The following ATP11C variants were observed in gnomAD, a reference collection of about 807,000 sequenced individuals.
ATP11C encodes the protein ATPase phospholipid transporting 11C (ATP11C blood group).
Under a neutral mutation model 97.4 loss-of-function variants are expected in ATP11C, and 36 were observed. The ratio of observed to expected loss-of-function variants is 0.37; its 90% confidence interval spans 0.28 to 0.49. The LOEUF is 0.49. Among genes scored for constraint, ATP11C ranks in the 20% least tolerant of loss-of-function variants. ATP11C has a pLI of 0.98. For missense variants in ATP11C, 730 were observed against 824.6 expected, an observed-to-expected ratio of 0.89 and a Z score of 1.40; for synonymous variants, 275 against 290.9, an observed-to-expected ratio of 0.95 and a Z score of 0.56.
intron 1 of ATP11C, among the ~76,000 whole-genome samples, chrX:139,858,055 G>C (rs1362742829): frequency 8.9e-6 from 1 of 112,679 alleles, no homozygotes; most frequent in African/African-American, 3.2e-5. Context: ...GCTCCCTCCT[G>C]CTCTTGCCCT....
chrX:139,775,409 G>C (rs899712128), intron 18 of ATP11C, among the ~76,000 whole-genome samples: 4 of 112,155 alleles, frequency 3.6e-5, no homozygotes, highest in African/African-American at 1.3e-4. Context: ...ACAGGAACAT[G>C]GGTTTTCAAG....
At chrX:139,901,972 T>A (rs908366637) in intron 1 of ATP11C, among the ~76,000 whole-genome samples, 2 of 110,316 alleles carry the variant, frequency 1.8e-5, no homozygotes, top group Non-Finnish European at 1.9e-5. Context: ...GATGCCAGTA[T>A]GAAAGAAATT....
chrX:139,896,520 T>C (rs1466661883), intron 1 of ATP11C, among the ~76,000 whole-genome samples: 1 of 105,313 alleles, frequency 9.5e-6, no homozygotes, highest in African/African-American at 3.5e-5. Context: ...GAAATCTGAA[T>C]GAAGTATGAA....
At chrX:139,818,925 G>C (rs753512855) in intron 3 of ATP11C, among the ~76,000 whole-genome samples, 1 of 112,021 alleles carries the variant, frequency 8.9e-6, no homozygotes, top group African/African-American at 3.2e-5. Flanking sequence ...ATGAATGAGA[G>C]AGAGCAAAAA....
chrX:139,905,686 G>GT (rs200403283), intron 1 of ATP11C, among the ~76,000 whole-genome samples: 177 of 107,781 alleles, frequency 1.6e-3, no homozygotes, highest in African/African-American at 5.3e-3. Context: ...CACAGGAAAA[G>GT]TTTTTTTTTT....
Position 139,932,136 on chromosome X carries a change from C to A in ATP11C, c.-94G>T. On this transcript the variant is annotated 5_prime_UTR_variant, in exon 1 of 30. Transcript: ENST00000682941. Reference sequence around the variant, plus strand: ...CACACTGCGGCGTGGGCCGGCGGCGCCAAGCGGAGCAGCGAGGCGGGCGGC... The same window carrying A: ...CACACTGCGGCGTGGGCCGGCGGCGACAAGCGGAGCAGCGAGGCGGGCGGC... 1.1e-6 allele frequency: 1 copy of A among 898,594 alleles called. No individual in the cohort carries two copies. The highest frequency in any genetic ancestry group is 1.4e-6 in the Non-Finnish European group (1 of 702,351). 74.1% of individuals were successfully genotyped at this position (898,594 alleles called of 1,213,427 possible).
chrX:139,813,236 A>C (rs1044568316), intron 5 of ATP11C, among the ~76,000 whole-genome samples: 3 of 112,237 alleles, frequency 2.7e-5, no homozygotes, highest in Non-Finnish European at 5.6e-5. Flanking sequence ...AGTACTACAC[A>C]CCTGTTAAAA....
intron 13 of ATP11C, among the ~76,000 whole-genome samples, chrX:139,788,982 C>T (rs1460876311): frequency 9.0e-6 from 1 of 111,322 alleles, no homozygotes; most frequent in Admixed American, 9.5e-5. Flanking sequence ...TGGTGGATTA[C>T]CTGAGGTCAG....
chrX:139,777,879 T>TA (rs1485268724), intron 18 of ATP11C, among the ~76,000 whole-genome samples: 1 of 110,154 alleles, frequency 9.1e-6, no homozygotes, highest in African/African-American at 3.3e-5. Context: ...TTTTTTTTTT[T>TA]AAGAGAGAAA....
intron 23 of ATP11C, among the ~76,000 whole-genome samples, chrX:139,754,151 C>T (rs933874433): frequency 2.3e-4 from 26 of 111,421 alleles, no homozygotes; most frequent in African/African-American, 7.2e-4. Flanking sequence ...GATGATACTA[C>T]AGATACAACA....
At chrX:139,768,748 T>G (rs2082187180) in intron 19 of ATP11C, among the ~76,000 whole-genome samples, 1 of 110,025 alleles carries the variant, frequency 9.1e-6, no homozygotes, top group Non-Finnish European at 1.9e-5. Flanking sequence ...TTTGTGGATG[T>G]GATGAAAGTC....
intron 2 of ATP11C, among the ~76,000 whole-genome samples, chrX:139,821,057 T>C (rs944638791): frequency 4.5e-5 from 5 of 110,884 alleles, no homozygotes; most frequent in East Asian, 2.9e-4. Context: ...GAGCACGACA[T>C]ACTATATGGG....
At chrX:139,845,053 C>A (rs555181390) in intron 1 of ATP11C, among the ~76,000 whole-genome samples, 3 of 112,030 alleles carry the variant, frequency 2.7e-5, no homozygotes, top group Middle Eastern at 4.6e-3. Flanking sequence ...GGTGGACACA[C>A]TTGTTTGCCT....
At chrX:139,882,837 C>T (rs959574783) in intron 1 of ATP11C, among the ~76,000 whole-genome samples, 4 of 111,345 alleles carry the variant, frequency 3.6e-5, no homozygotes, top group African/African-American at 1.3e-4. Flanking sequence ...TAAATAAATA[C>T]CCAGAGGTAT....
At chrX:139,910,926 A>T (rs5955010) in intron 1 of ATP11C, among the ~76,000 whole-genome samples, 1 of 111,880 alleles carries the variant, frequency 8.9e-6, no homozygotes, top group African/African-American at 3.3e-5. Context: ...AAAGAGTAAG[A>T]GACCAGAACA....
At chrX:139,866,118 G>C (rs1403766894) in intron 1 of ATP11C, among the ~76,000 whole-genome samples, 1 of 110,221 alleles carries the variant, frequency 9.1e-6, no homozygotes, top group African/African-American at 3.3e-5. Context: ...GGCTGAGGCG[G>C]GCAGATCACG....
At chrX:139,846,097 C>T (rs2083904099) in intron 1 of ATP11C, among the ~76,000 whole-genome samples, 1 of 111,996 alleles carries the variant, frequency 8.9e-6, no homozygotes, top group African/African-American at 3.2e-5. Flanking sequence ...AAGGGCCATG[C>T]AATGCTTGAC....
At chrX:139,909,341 C>G (rs189402514) in intron 1 of ATP11C, among the ~76,000 whole-genome samples, 1 of 110,765 alleles carries the variant, frequency 9.0e-6, no homozygotes, top group Non-Finnish European at 1.9e-5. Context: ...TCATGTTGGC[C>G]AGGCTGGTCT....
At position 139,742,066 on chromosome X, in the gene ATP11C, G is replaced by A. The variant is rs745405453; in HGVS notation, c.3031-972C>T. On this transcript the variant is annotated intron_variant, in intron 26 of 29. Coordinates refer to ENST00000682941, the MANE Select transcript of ATP11C (RefSeq NM_001353812.2). ...ATAATACTAATATTAATCCAAAGAG[G>A]AGGGAGTGGAAGTCTTTGAGATACA... Among the ~76,000 whole-genome samples, 6 of 111,799 alleles carry A rather than the reference G, an allele frequency of 5.4e-5. No individual in the cohort carries two copies. In the East Asian group the frequency reaches 1.1e-3, roughly 21 times the overall value.
Sources: gnomAD v4.1 joint callset for allele counts (sites outside exome capture counted in the v4.1 genomes callset) on GRCh38, gnomAD v4.1.1 for gene constraint, MANE v1.5 for transcripts, NCBI Gene and HGNC (gene_info 2026-07-23, HGNC 2026-07-21) for gene names.